The following PIK3R3 variants were observed in gnomAD, a reference collection of about 807,000 sequenced individuals.
The protein encoded by PIK3R3 is phosphatidylinositol 3-kinase regulatory subunit gamma.
Under a neutral mutation model 62.9 loss-of-function variants are expected in PIK3R3, and 64 were observed. That is an observed-to-expected ratio of 1.02 (90% CI 0.83 to 1.25). The LOEUF (loss-of-function observed/expected upper bound fraction) is 1.25, where lower values mean the gene tolerates loss of function less well. Ranked by LOEUF, PIK3R3 falls within the 50% of genes most tolerant of loss-of-function variation. The probability of loss-of-function intolerance (pLI) is 0.00; values close to 1 mark genes in which losing one functional copy is unlikely to be tolerated. For synonymous variants in PIK3R3, 165 were observed against 189.0 expected, an observed-to-expected ratio of 0.87 and a Z score of 1.04; for missense variants, 614 against 561.6, an observed-to-expected ratio of 1.09 and a Z score of -0.94.
At chr1:46,080,188 A>C (rs1174496788) in intron 2 of PIK3R3, among the ~76,000 whole-genome samples, 1 of 150,582 alleles carries the variant, frequency 6.6e-6, no homozygotes, top group Non-Finnish European at 1.5e-5. Context: ...CAGCCTCCCA[A>C]GTAGCTGGGA....
chr1:46,100,552 C>T (rs1348334469), intron 1 of PIK3R3, among the ~76,000 whole-genome samples: 1 of 152,146 alleles, frequency 6.6e-6, no homozygotes. Context: ...ATAAATAATG[C>T]TATGTGAAAG....
In PIK3R3 at chr1:46,132,315, T is replaced by C; in HGVS notation, c.-363A>G. ...CTCCAAATCTTTCCGCGGAAGCCAC[T>C]TTTGTGTCCTTCGAAGGAGGGAGAA... is the stretch of plus-strand genomic sequence containing the variant. On this transcript the variant is annotated 5_prime_UTR_variant, in exon 1 of 10. Coordinates refer to ENST00000262741, the MANE Select transcript of PIK3R3 (RefSeq NM_003629.4). The C allele has an allele frequency of 1.8e-6, 2 of 1,115,920 alleles. No individual in the cohort carries two copies. The highest frequency in any genetic ancestry group is 2.2e-6 in the Non-Finnish European group (2 of 906,754). The allele number at this position is 1,115,920 out of a possible 1,614,324, so 69.1% of individuals were successfully genotyped here.
chr1:46,062,055 C>T lies in PIK3R3; in HGVS notation c.638G>A (p.Arg213Lys). Residue 213 changes from arginine to lysine, a missense_variant, in exon 6 of 10, where the codon AGG (arginine) becomes AAG (lysine). Coordinates refer to ENST00000262741, the MANE Select transcript of PIK3R3 (RefSeq NM_003629.4). ...TRTSQEIQMK[R>K]TAIEAFNETI... ...TTCATTAAAAGCTTCTATTGCAGTC[C>T]TCTTCATCTGTATTTCCTACAGGAG... 1.9e-6 allele frequency: 3 copies of T among 1,609,350 alleles called. No individual in the cohort carries two copies. Among genetic ancestry groups the T allele is most frequent in the Non-Finnish European group, 2.5e-6 (3 of 1,178,106 alleles).
chr1:46,129,207 T>C (rs1051751394), intron 1 of PIK3R3, among the ~76,000 whole-genome samples: 3 of 151,960 alleles, frequency 2.0e-5, no homozygotes, highest in African/African-American at 7.3e-5. Context: ...CACATACATA[T>C]AAGATTTCAA....
At chr1:46,129,203 C>T (rs1406316751) in intron 1 of PIK3R3, among the ~76,000 whole-genome samples, 1 of 152,050 alleles carries the variant, frequency 6.6e-6, no homozygotes, top group Non-Finnish European at 1.5e-5. Context: ...AAAACACATA[C>T]ATATAAGATT....
At chr1:46,100,218 C>T (rs1237338453) in intron 1 of PIK3R3, among the ~76,000 whole-genome samples, 1 of 152,126 alleles carries the variant, frequency 6.6e-6, no homozygotes, top group African/African-American at 2.4e-5. Context: ...ATCCTTTCTA[C>T]CTTCCCTGCC....
chr1:46,045,517 T>A (rs937538154), intron 9 of PIK3R3, among the ~76,000 whole-genome samples: 8 of 151,798 alleles, frequency 5.3e-5, no homozygotes, highest in Admixed American at 4.6e-4. Flanking sequence ...TAGATAGAGT[T>A]TTCCTTCTGA....
chr1:46,136,008 C>A (rs1244630890), upstream of PIK3R3, among the ~76,000 whole-genome samples: 9 of 114,208 alleles, frequency 7.9e-5, no homozygotes, highest in East Asian at 5.4e-4. Context: ...CCAGCCTGGA[C>A]AACAGGGCGA....
At chr1:46,074,291 A>C (rs1649843351) in intron 3 of PIK3R3, among the ~76,000 whole-genome samples, 2 of 121,758 alleles carry the variant, frequency 1.6e-5, no homozygotes. Flanking sequence ...TCCGTCAAAA[A>C]AAAAAAAAAA....
At chr1:46,118,554 C>CTTTT (rs1291550266) in intron 1 of PIK3R3, among the ~76,000 whole-genome samples, 2 of 132,218 alleles carry the variant, frequency 1.5e-5, no homozygotes, top group Admixed American at 7.6e-5. Flanking sequence ...CATTACTTGT[C>CTTTT]TTTTTTTTTT....
At position 46,106,276 on chromosome 1, in the gene PIK3R3, G is replaced by A. The variant is rs117147404; in HGVS notation, c.107-25526C>T. ...TGCCACCACACCCAGCTAATTTTGT[G>A]TGTGTGTGTGTAGAGACAAGTTTTC... On this transcript the variant is annotated intron_variant, in intron 1 of 9. Coordinates refer to ENST00000262741, the MANE Select transcript of PIK3R3 (RefSeq NM_003629.4). 3.0e-3 allele frequency among the ~76,000 whole-genome samples: 451 copies of A among 152,176 alleles called. 3 individuals are homozygous for A. The highest frequency in any genetic ancestry group is 0.021 in the East Asian group (109 of 5,164).
At chr1:46,146,695 A>G in the PIK3R3 span, among the ~76,000 whole-genome samples, 1 of 18,958 alleles carries the variant, frequency 5.3e-5, no homozygotes, top group Non-Finnish European at 1.3e-4. Context: ...CTACACACAC[A>G]CACACACACA....
intron 1 of PIK3R3, among the ~76,000 whole-genome samples, chr1:46,122,801 A>G (rs924825901): frequency 1.3e-5 from 2 of 152,118 alleles, no homozygotes; most frequent in Non-Finnish European, 2.9e-5. Context: ...AATTATCTTC[A>G]TAAGTTTAGA....
At chr1:46,124,239 A>C (rs1057353866) in intron 1 of PIK3R3, among the ~76,000 whole-genome samples, 6 of 152,192 alleles carry the variant, frequency 3.9e-5, no homozygotes, top group African/African-American at 1.4e-4. Context: ...AACTCTACAA[A>C]GGTAAGAGTT....
At chr1:46,118,224 A>G (rs1339309735) in intron 1 of PIK3R3, among the ~76,000 whole-genome samples, 1 of 152,260 alleles carries the variant, frequency 6.6e-6, no homozygotes, top group Non-Finnish European at 1.5e-5. Context: ...TAAAGTGAGT[A>G]AGTCAGTTTG....
At chr1:46,107,518 G>A (rs1280024488) in intron 1 of PIK3R3, among the ~76,000 whole-genome samples, 1 of 152,156 alleles carries the variant, frequency 6.6e-6, no homozygotes, top group African/African-American at 2.4e-5. Flanking sequence ...TCACGCCACT[G>A]CACTCCAGCC....
At chr1:46,094,363 C>T (rs17101983) in intron 1 of PIK3R3, among the ~76,000 whole-genome samples, 1 of 151,802 alleles carries the variant, frequency 6.6e-6, no homozygotes, top group Non-Finnish European at 1.5e-5. Context: ...ATCTTAGATG[C>T]AGAATAATGC....
At chr1:46,088,428 A>C (rs569092578) in intron 1 of PIK3R3, among the ~76,000 whole-genome samples, 15 of 146,254 alleles carry the variant, frequency 1.0e-4, no homozygotes, top group Admixed American at 9.1e-4. Flanking sequence ...CAAAGACAGC[A>C]TAATATCTCA....
intron 1 of PIK3R3, among the ~76,000 whole-genome samples, chr1:46,120,571 CA>C (rs965083824): frequency 2.6e-5 from 4 of 151,352 alleles, no homozygotes; most frequent in Non-Finnish European, 5.9e-5. Context: ...GCCTCCGTCT[CA>C]AAAAAAATAG....
Sources: allele counts gnomAD v4.1 joint callset (sites outside exome capture counted in the v4.1 genomes callset), GRCh38; gene constraint gnomAD v4.1.1; transcripts MANE v1.5; gene names NCBI Gene and HGNC (gene_info 2026-07-23, HGNC 2026-07-21).